Variants in LUC7L observed in about 807,000 individuals in gnomAD.
LUC7L encodes the protein LUC7 like, also known as putative RNA-binding protein Luc7-like 1.
A neutral mutation model predicts 51.1 loss-of-function variants in LUC7L; 29 were observed. The ratio of observed to expected loss-of-function variants is 0.57; its 90% confidence interval spans 0.42 to 0.77. The LOEUF (loss-of-function observed/expected upper bound fraction) is 0.77, where lower values mean the gene tolerates loss of function less well. Among genes scored for constraint, LUC7L ranks in the 30% least tolerant of loss-of-function variants. The pLI is 0.00. For synonymous variants in LUC7L, 181 were observed against 180.7 expected (o/e 1.00, Z -0.01); for missense variants, 403 against 511.9 (o/e 0.79, Z 2.05).
intron 4 of LUC7L, among the ~76,000 whole-genome samples, chr16:206,923 G>C (rs554364192): frequency 6.7e-6 from 1 of 149,832 alleles, no homozygotes; most frequent in Non-Finnish European, 1.5e-5. Flanking sequence ...AAGATGGCTG[G>C]GTGCAGTGGC....
chr16:216,148 C>CCCAG (rs2049789736), intron 3 of LUC7L, among the ~76,000 whole-genome samples: 1 of 151,832 alleles, frequency 6.6e-6, no homozygotes, highest in Non-Finnish European at 1.5e-5. Flanking sequence ...ATTATAGGTG[C>CCCAG]CCAGCACCAC....
intron 5 of LUC7L, among the ~76,000 whole-genome samples, chr16:202,452 T>C (rs1426142575): frequency 2.0e-5 from 3 of 152,174 alleles, no homozygotes; most frequent in African/African-American, 4.8e-5. Context: ...TCAAGTGTTA[T>C]TTTTTATCTT....
In LUC7L at chr16:208,165, A is replaced by G. The variant is rs956840810; in HGVS notation, c.279T>C (p.Phe93=). 1.1e-5 allele frequency: 18 copies of G among 1,613,202 alleles called. No individual in the cohort carries two copies. Among genetic ancestry groups the G allele is most frequent in the Non-Finnish European group, 1.4e-5 (16 of 1,179,610 alleles). The change falls in exon 4 of 10, where the codon TTT becomes TTC. Residue 93 remains phenylalanine, a synonymous_variant. Coordinates refer to ENST00000293872, the MANE Select transcript of LUC7L (RefSeq NM_201412.3). ...CAGTTCTCCGATCACATTCAGCAATAAAGGACTCCAAGTGATCCATTGCCT... is the reference window on the plus strand; with the variant it reads ...CAGTTCTCCGATCACATTCAGCAATGAAGGACTCCAAGTGATCCATTGCCT... The part of the protein sequence containing the change: ...ELDAMDHLES[F]IAECDRRTEL...
Position 197,871 on chromosome 16 carries a change from G to T in LUC7L, c.687+1191C>A, listed in dbSNP as rs116582094. 7.1e-3 allele frequency among the ~76,000 whole-genome samples: 1,081 copies of T among 152,284 alleles called. 15 individuals are homozygous for T. Among genetic ancestry groups the T allele is most frequent in the African/African-American group, 0.025 (1,039 of 41,562 alleles). On this transcript the variant is annotated intron_variant, in intron 6 of 9. Coordinates refer to ENST00000293872, the MANE Select transcript of LUC7L (RefSeq NM_201412.3). ...GGCTAATTTCCCACCATCCTATCCTGAGGTCCTAGTATGCGGTAAGGGGGG... is the reference window on the plus strand; with the variant it reads ...GGCTAATTTCCCACCATCCTATCCTTAGGTCCTAGTATGCGGTAAGGGGGG...
rs1596617850 is a variant in LUC7L at position 200,753 on chromosome 16, G to T, written c.511-1515C>A. Among the ~76,000 whole-genome samples, 3 of 152,064 alleles carry T rather than the reference G, an allele frequency of 2.0e-5. No individual in the cohort carries two copies. The Middle Eastern group carries it at 0.01, about 517-fold the overall frequency. ...AATAATTAGCCCGCTGTGGTGGCAC[G>T]TGCCTATAGTCCCACCTACTCAAGA... On this transcript the variant is annotated intron_variant, in intron 5 of 9. Coordinates refer to ENST00000293872, the MANE Select transcript of LUC7L (RefSeq NM_201412.3).
intron 8 of LUC7L, 126 bp downstream of exon 8, chr16:190,415 C>T (rs1360294795): frequency 6.8e-6 from 7 of 1,035,930 alleles, no homozygotes; most frequent in Non-Finnish European, 1.0e-5. Flanking sequence ...AACCTCTTGC[C>T]CTGTGCCCTT....
intron 3 of LUC7L, chr16:220,417 T>A: frequency 2.3e-6 from 1 of 432,432 alleles, no homozygotes; most frequent in Non-Finnish European, 4.1e-6. Flanking sequence ...GTAATTAAAA[T>A]TTTTAAAAGC....
intron 3 of LUC7L, among the ~76,000 whole-genome samples, chr16:219,769 G>A (rs1349856819): frequency 6.6e-6 from 1 of 152,038 alleles, no homozygotes; most frequent in Non-Finnish European, 1.5e-5. Context: ...CTCCTCAGGA[G>A]GCTGAGGCAG....
At chr16:227,484 T>A in intron 1 of LUC7L, 148 bp from the exon 2 acceptor site, 1 of 1,455,790 alleles carries the variant, frequency 6.9e-7, no homozygotes, top group East Asian at 2.5e-5. Flanking sequence ...TCTAAAGATA[T>A]TTACAACTGG....
intron 2 of LUC7L, among the ~76,000 whole-genome samples, chr16:226,161 C>A (rs977555650): frequency 6.6e-6 from 1 of 152,196 alleles, no homozygotes; most frequent in Non-Finnish European, 1.5e-5. Flanking sequence ...GCATTCATTT[C>A]GCATTTGCTG....
At chr16:207,826 G>A (rs970957535) in intron 4 of LUC7L, among the ~76,000 whole-genome samples, 1 of 152,116 alleles carries the variant, frequency 6.6e-6, no homozygotes, top group African/African-American at 2.4e-5. Flanking sequence ...CGGCTAACAC[G>A]GTGAAACCCC....
chr16:223,574 G>C (rs995846991), intron 2 of LUC7L, among the ~76,000 whole-genome samples: 4 of 152,102 alleles, frequency 2.6e-5, no homozygotes, highest in African/African-American at 9.7e-5. Flanking sequence ...TTACATAGAA[G>C]ACTTAGAGAT....
Position 205,398 on chromosome 16 carries a change from CAT to C in LUC7L, c.510+604_510+605del, listed in dbSNP as rs574856295. Among the ~76,000 whole-genome samples the C allele has an allele frequency of 8.5e-5, 13 of 152,220 alleles. No individual in the cohort carries two copies. In the South Asian group the frequency reaches 2.7e-3, roughly 32 times the overall value. On this transcript the variant is annotated intron_variant, in intron 5 of 9. Transcript: ENST00000293872. ...GCAGTAAATAAAAGACTAGTATCCT[CAT>C]ATATTTTATGTATTCATGACATACC...
intron 3 of LUC7L, among the ~76,000 whole-genome samples, chr16:218,923 T>A (rs2049886874): frequency 3.1e-5 from 1 of 32,370 alleles, no homozygotes; most frequent in African/African-American, 1.4e-4. Flanking sequence ...AAACCCTGTC[T>A]CAAAAAAAAA....
chr16:220,416 A>G (rs1018723518), intron 3 of LUC7L: 7 of 432,020 alleles, frequency 1.6e-5, no homozygotes, highest in Non-Finnish European at 2.9e-5. Flanking sequence ...TGTAATTAAA[A>G]TTTTTAAAAG....
intron 5 of LUC7L, among the ~76,000 whole-genome samples, chr16:199,598 C>G (rs1413858398): frequency 6.6e-6 from 1 of 151,734 alleles, no homozygotes; most frequent in African/African-American, 2.4e-5. Context: ...ATGGAGAAAC[C>G]CCATCTCTAT....
At chr16:193,073 G>T in intron 6 of LUC7L, 58 bp from the exon 7 acceptor site, 2 of 1,337,906 alleles carry the variant, frequency 1.5e-6, no homozygotes, top group Non-Finnish European at 2.1e-6. Context: ...GAGTGTGAAT[G>T]CTACTTAACA....
At position 229,004 on chromosome 16, in the gene LUC7L, C is replaced by T. The variant is rs1049953883; in HGVS notation, c.61+275G>A. The T allele has an allele frequency of 1.5e-5, 21 of 1,443,776 alleles. No homozygotes were observed. In the African/African-American group the frequency reaches 2.4e-4, roughly 17 times the overall value. The allele number at this position is 1,443,776 out of a possible 1,614,324, so 89.4% of individuals were successfully genotyped here. A position where few individuals can be genotyped will look rare whatever the true frequency, so the allele number is the denominator to read the frequency against. On this transcript the variant is annotated intron_variant, in intron 1 of 9. Transcript: ENST00000293872. ...GAGGGGCACGGAGCCGCGGCGCCCG[C>T]CGGGGAGGAAGTAGCAGGACGGTAC... is the stretch of plus-strand genomic sequence containing the variant.
At chr16:209,614 G>A (rs2049582013) in intron 3 of LUC7L, 1 of 151,918 alleles carries the variant, frequency 6.6e-6, no homozygotes, top group East Asian at 1.9e-4. Flanking sequence ...ACATAAATAA[G>A]TTTGTTTTGC....
Sources: gnomAD v4.1 joint callset for allele counts (sites outside exome capture counted in the v4.1 genomes callset) on GRCh38, gnomAD v4.1.1 for gene constraint, MANE v1.5 for transcripts, NCBI Gene and HGNC (gene_info 2026-07-23, HGNC 2026-07-21) for gene names.